The following AHRR variants were observed in gnomAD, a reference collection of about 807,000 sequenced individuals.
AHRR encodes the protein ahR repressor.
In AHRR, 28 loss-of-function variants were observed where a neutral mutation model predicts 44.0. The ratio of observed to expected loss-of-function variants is 0.64; its 90% confidence interval spans 0.47 to 0.87. AHRR has a LOEUF of 0.87. AHRR is among the 40% of genes least tolerant of loss of function. AHRR has a pLI of 0.00. For missense variants in AHRR, 990 were observed against 953.9 expected, an observed-to-expected ratio of 1.04 and a Z score of -0.50; for synonymous variants, 434 against 407.0, an observed-to-expected ratio of 1.07 and a Z score of -0.80.
chr5:368,687 A>G (rs1037940625), intron 3 of AHRR, among the ~76,000 whole-genome samples: 3 of 152,206 alleles, frequency 2.0e-5, no homozygotes, highest in African/African-American at 7.2e-5. Flanking sequence ...CTGCAGGACG[A>G]GCGTGTGACT....
In AHRR at chr5:334,536, G is replaced by GT. The variant is rs553209912; in HGVS notation, c.-10-9349dup. 5.0e-4 allele frequency among the ~76,000 whole-genome samples: 75 copies of GT among 151,092 alleles called. No homozygotes were observed. The East Asian group carries it at 0.013, about 27-fold the overall frequency. ...CTTTCAAATGTATTTTGTATTTCTG[G>GT]TTTTTTTTAAAAAATGTATCTATCT... On this transcript the variant is annotated intron_variant, in intron 1 of 10. Coordinates refer to ENST00000684583, the MANE Select transcript of AHRR (RefSeq NM_001377236.1).
chr5:344,183 G>A (rs993311734), intron 2 of AHRR, among the ~76,000 whole-genome samples: 3 of 151,006 alleles, frequency 2.0e-5, no homozygotes, highest in Admixed American at 2.0e-4. Context: ...CTGCGCCCTC[G>A]GGGCCCTGAG....
At position 321,995 on chromosome 5, in the gene AHRR, G is replaced by A. The variant is rs1172413613; in HGVS notation, c.-11+176G>A. Among the ~76,000 whole-genome samples the A allele has an allele frequency of 6.6e-6, 1 of 152,048 alleles. No homozygotes were observed. Among genetic ancestry groups the A allele is most frequent in the Non-Finnish European group, 1.5e-5 (1 of 67,964 alleles). On this transcript the variant is annotated intron_variant, in intron 1 of 10. Transcript: ENST00000684583. The surrounding 1 kb of genome is among the most constrained non-coding windows in gnomAD (Gnocchi z 8.3). ...GGACGGGGCGGACACTCTGGGGTGC[G>A]GCTGGCTGGTCTCACTTAAAACTCG... is the stretch of plus-strand genomic sequence containing the variant.
At chr5:385,982 C>G (rs1734156199) in intron 4 of AHRR, among the ~76,000 whole-genome samples, 1 of 152,148 alleles carries the variant, frequency 6.6e-6, no homozygotes, top group Non-Finnish European at 1.5e-5. Flanking sequence ...TCTGTCGCCT[C>G]CATTTGCTAT....
chr5:428,303 C>T (rs12188321), intron 8 of AHRR, among the ~76,000 whole-genome samples: 6 of 152,144 alleles, frequency 3.9e-5, no homozygotes, highest in Non-Finnish European at 7.4e-5. Flanking sequence ...CAAGAAAATG[C>T]GGAGCTGGCT....
rs1742395601 is a variant in AHRR, at chr5:342,985, A to T, written c.-10-908A>T. ...CTTAAGTGGAATCCCAGGACTGTAG[A>T]GTGGAGTAGAATTTTACATAGAAAA... On this transcript the variant is annotated intron_variant, in intron 1 of 10. Coordinates refer to ENST00000684583, the MANE Select transcript of AHRR (RefSeq NM_001377236.1). The surrounding 1 kb of genome is among the most constrained non-coding windows in gnomAD (Gnocchi z 4.3). Among the ~76,000 whole-genome samples the T allele has an allele frequency of 6.6e-6, 1 of 152,190 alleles. No individual in the cohort carries two copies. The highest frequency in any genetic ancestry group is 6.5e-5 in the Admixed American group (1 of 15,280).
intron 4 of AHRR, among the ~76,000 whole-genome samples, chr5:398,319 C>T (rs1216308253): frequency 6.6e-6 from 1 of 152,184 alleles, no homozygotes; most frequent in East Asian, 1.9e-4. Flanking sequence ...CCGCGTTAGC[C>T]CCGACATTCC....
intron 2 of AHRR, among the ~76,000 whole-genome samples, chr5:345,501 G>C (rs545658291): frequency 1.3e-5 from 1 of 79,586 alleles, no homozygotes; most frequent in African/African-American, 3.3e-5. Context: ...TGTGTATGTG[G>C]GGGGGAGGGG....
chr5:369,815 C>T (rs1031241359), intron 3 of AHRR, among the ~76,000 whole-genome samples: 1 of 152,214 alleles, frequency 6.6e-6, no homozygotes, highest in Non-Finnish European at 1.5e-5. Flanking sequence ...CATTTTCTTC[C>T]GGAATGTACA....
At chr5:389,188 G>T (rs756463286) in intron 4 of AHRR, among the ~76,000 whole-genome samples, 2 of 150,224 alleles carry the variant, frequency 1.3e-5, no homozygotes, top group Non-Finnish European at 3.0e-5. Flanking sequence ...GGTTGTGGGG[G>T]TGTCGAAGGC....
At chr5:353,406 T>A (rs948661866) in intron 2 of AHRR, among the ~76,000 whole-genome samples, 2 of 152,040 alleles carry the variant, frequency 1.3e-5, no homozygotes, top group Admixed American at 1.3e-4. Flanking sequence ...TCCTCAGGGA[T>A]CCGTAGTGGA....
intron 4 of AHRR, among the ~76,000 whole-genome samples, chr5:402,636 A>T (rs1184809146): frequency 6.6e-6 from 1 of 152,210 alleles, no homozygotes; most frequent in African/African-American, 2.4e-5. Flanking sequence ...AAAATGGAAA[A>T]CGGAACTTCC....
intron 3 of AHRR, among the ~76,000 whole-genome samples, chr5:360,133 G>T (rs992528307): frequency 6.6e-6 from 1 of 152,118 alleles, no homozygotes; most frequent in African/African-American, 2.4e-5. Context: ...AAGTGGGGGT[G>T]GGGGGTGGCC....
At chr5:412,803 C>T (rs1285210530) in intron 4 of AHRR, among the ~76,000 whole-genome samples, 8 of 150,470 alleles carry the variant, frequency 5.3e-5, no homozygotes, top group African/African-American at 2.0e-4. Flanking sequence ...TCGCTGCAAC[C>T]TCCACCTCCT....
intron 3 of AHRR, among the ~76,000 whole-genome samples, chr5:375,715 T>C (rs953993620): frequency 2.6e-5 from 4 of 152,208 alleles, no homozygotes; most frequent in Non-Finnish European, 5.9e-5. Flanking sequence ...GTCCACGCAC[T>C]GGGGCCAGCT....
rs1189015926 is a variant in AHRR at position 404,219 on chromosome 5, C to T, written c.352-9125C>T. Reference sequence around the variant, plus strand: ...GCCTTTGAACCCGTCGCAGCTCTCGCTCATCCATGAGTCTAATCACATCTG... The same window carrying T: ...GCCTTTGAACCCGTCGCAGCTCTCGTTCATCCATGAGTCTAATCACATCTG... On this transcript the variant is annotated intron_variant, in intron 4 of 10. Coordinates refer to ENST00000684583, the MANE Select transcript of AHRR (RefSeq NM_001377236.1). The surrounding 1 kb of genome is among the most constrained non-coding windows in gnomAD (Gnocchi z 4.1). The T allele has an allele frequency of 7.7e-6, 4 of 521,002 alleles. No homozygotes were observed. The highest frequency in any genetic ancestry group is 4.6e-5 in the East Asian group (1 of 21,940). 32.3% of individuals were successfully genotyped at this position (521,002 alleles called of 1,614,324 possible).
At chr5:378,007 C>T (rs774620022) in intron 4 of AHRR, among the ~76,000 whole-genome samples, 13 of 152,150 alleles carry the variant, frequency 8.5e-5, no homozygotes, top group Non-Finnish European at 1.9e-4. Context: ...GAGCAGTTCC[C>T]GAAGTCTCAG....
chr5:408,552 A>G (rs1735359735), intron 4 of AHRR, among the ~76,000 whole-genome samples: 1 of 151,994 alleles, frequency 6.6e-6, no homozygotes, highest in Non-Finnish European at 1.5e-5. Flanking sequence ...CTATTGGTGT[A>G]TTATTTTCCT....
intron 8 of AHRR, among the ~76,000 whole-genome samples, chr5:428,749 T>C (rs1736582963): frequency 6.6e-6 from 1 of 152,252 alleles, no homozygotes; most frequent in African/African-American, 2.4e-5. Context: ...CTTGTTTTCC[T>C]GTAACTAGGC....
Sources: allele counts gnomAD v4.1 joint callset (sites outside exome capture counted in the v4.1 genomes callset), GRCh38; gene constraint gnomAD v4.1.1; non-coding constraint Gnocchi (gnomAD v3.1); transcripts MANE v1.5; gene names NCBI Gene and HGNC (gene_info 2026-07-23, HGNC 2026-07-21).